MEGF11: variants seen among roughly 807,000 people sequenced by gnomAD.
The protein encoded by MEGF11 is multiple epidermal growth factor-like domains protein 11.
In MEGF11, 126 loss-of-function variants were observed where a neutral mutation model predicts 146.6. The ratio of observed to expected loss-of-function variants is 0.86; its 90% CI spans 0.74 to 1.00. MEGF11 has a LOEUF of 1.00. MEGF11 is among the 50% of genes least tolerant of loss of function. The probability of loss-of-function intolerance (pLI) is 0.00; values close to 1 mark genes in which losing one functional copy is unlikely to be tolerated. For synonymous variants in MEGF11, 532 were observed against 583.4 expected, an observed-to-expected ratio of 0.91 and a Z score of 1.27; for missense variants, 1,509 against 1,521.2, an observed-to-expected ratio of 0.99 and a Z score of 0.13.
In MEGF11 at chr15:66,008,441, A is replaced by ACG. The variant is rs1166824032; in HGVS notation, c.395-25954_395-25953insCG. On this transcript the variant is annotated intron_variant, in intron 5 of 25. Transcript: ENST00000395614. ...CACACACACACACACACACACACAC[A>ACG]CACACACACAAAATTACAGCCTAGT... Among the ~76,000 whole-genome samples, 775 of 149,124 alleles carry ACG rather than the reference A, an allele frequency of 5.2e-3. 10 individuals carry two copies. The highest frequency in any genetic ancestry group is 0.018 in the African/African-American group (726 of 40,548).
intron 5 of MEGF11, among the ~76,000 whole-genome samples, chr15:66,091,941 G>A (rs1381175326): frequency 1.3e-5 from 2 of 152,196 alleles, no homozygotes; most frequent in Non-Finnish European, 2.9e-5. Flanking sequence ...CCATTGGAGG[G>A]TCTCTGGTTT....
chr15:66,015,106 C>T (rs905987834), intron 5 of MEGF11, among the ~76,000 whole-genome samples: 2 of 152,214 alleles, frequency 1.3e-5, no homozygotes, highest in Admixed American at 6.5e-5. Flanking sequence ...CTCTCATGAG[C>T]TAGTGCAAGA....
intron 5 of MEGF11, among the ~76,000 whole-genome samples, chr15:66,073,297 C>T (rs1242531971): frequency 6.6e-6 from 1 of 152,174 alleles, no homozygotes; most frequent in African/African-American, 2.4e-5. Context: ...CCCGCTGAGC[C>T]CTTGCTGAGG....
intron 1 of MEGF11, among the ~76,000 whole-genome samples, chr15:66,214,085 G>C (rs1381724479): frequency 1.4e-5 from 2 of 146,182 alleles, no homozygotes; most frequent in Non-Finnish European, 3.0e-5. Context: ...GCCCAGGCTG[G>C]AGTGCAGTGG....
intron 4 of MEGF11, among the ~76,000 whole-genome samples, chr15:66,097,422 C>T (rs1335298809): frequency 6.6e-6 from 1 of 152,196 alleles, no homozygotes; most frequent in Non-Finnish European, 1.5e-5. Flanking sequence ...GTGCCCTAAG[C>T]TCTTTCAGAC....
At chr15:65,951,843 T>A (rs976699177) in intron 10 of MEGF11, among the ~76,000 whole-genome samples, 13 of 152,040 alleles carry the variant, frequency 8.6e-5, no homozygotes, top group Non-Finnish European at 1.9e-4. Flanking sequence ...TACAAATTTT[T>A]TTTTTTTAAA....
At chr15:66,253,371 C>T (rs1390944695) in intron 1 of MEGF11, among the ~76,000 whole-genome samples, 1 of 152,228 alleles carries the variant, frequency 6.6e-6, no homozygotes, top group African/African-American at 2.4e-5. Context: ...CGCCCTACAT[C>T]CTGCCGGACC....
rs113571576 is a variant in MEGF11 at position 66,130,428 on chromosome 15, G to A, written c.-8-2017C>T. On this transcript the variant is annotated intron_variant, in intron 1 of 25. Transcript: ENST00000395614. ...TATAATCTCCAGCATTCTCCCGAGA[G>A]AACCTCCTGACAGCATCTTCAAACT... Among the ~76,000 whole-genome samples, 222 of 152,216 alleles carry A rather than the reference G, an allele frequency of 1.5e-3. 1 individual carries two copies. The highest frequency in any genetic ancestry group is 5.1e-3 in the African/African-American group (211 of 41,540).
At chr15:66,122,868 T>C (rs966966107) in intron 3 of MEGF11, among the ~76,000 whole-genome samples, 2 of 152,320 alleles carry the variant, frequency 1.3e-5, no homozygotes, top group African/African-American at 4.8e-5. Context: ...AAGCTCCACC[T>C]GAATGGCGGA....
At chr15:65,949,741 G>T (rs1214109974) in intron 10 of MEGF11, among the ~76,000 whole-genome samples, 1 of 152,216 alleles carries the variant, frequency 6.6e-6, no homozygotes, top group African/African-American at 2.4e-5. Flanking sequence ...TCAAGTTTTT[G>T]CAGCCCTGGC....
chr15:65,993,075 G>A (rs1470713762), intron 5 of MEGF11, among the ~76,000 whole-genome samples: 3 of 152,206 alleles, frequency 2.0e-5, no homozygotes, highest in Admixed American at 6.5e-5. Context: ...TGCTGATCAC[G>A]GAGGCTGATG....
Position 66,225,726 on chromosome 15 carries a change from G to T in MEGF11, c.-9+27879C>A, listed in dbSNP as rs199565372. Among the ~76,000 whole-genome samples, 4 of 151,696 alleles carry T rather than the reference G, an allele frequency of 2.6e-5. No homozygotes were observed. The East Asian group carries it at 7.7e-4, about 29-fold the overall frequency. ...CAACCCCATGCACTCACACACACAC[G>T]CACACTATCATACACACACTTACAT... On this transcript the variant is annotated intron_variant, in intron 1 of 25. Transcript: ENST00000395614.
chr15:66,004,266 G>A (rs2082454643), intron 5 of MEGF11, among the ~76,000 whole-genome samples: 1 of 152,074 alleles, frequency 6.6e-6, no homozygotes. Context: ...GTTACATGAA[G>A]GGATTGAAAA....
intron 5 of MEGF11, among the ~76,000 whole-genome samples, chr15:66,011,182 T>C (rs1011102464): frequency 4.6e-5 from 7 of 152,186 alleles, no homozygotes; most frequent in African/African-American, 1.7e-4. Flanking sequence ...TCAGGGATTG[T>C]TGTGCCCACT....
intron 1 of MEGF11, among the ~76,000 whole-genome samples, chr15:66,148,662 G>T (rs1264886992): frequency 6.6e-6 from 1 of 152,218 alleles, no homozygotes; most frequent in Non-Finnish European, 1.5e-5. Flanking sequence ...TGCCCAGCCA[G>T]TGCCCCCTCT....
intron 1 of MEGF11, among the ~76,000 whole-genome samples, chr15:66,162,346 T>C (rs1024546612): frequency 6.6e-6 from 1 of 152,204 alleles, no homozygotes; most frequent in Non-Finnish European, 1.5e-5. Flanking sequence ...ATGTGATGTA[T>C]ATTTTACCAC....
intron 1 of MEGF11, among the ~76,000 whole-genome samples, chr15:66,162,105 G>A (rs553224387): frequency 6.6e-6 from 1 of 152,256 alleles, no homozygotes; most frequent in Admixed American, 6.5e-5. Flanking sequence ...AGTGAACCAT[G>A]CGTGATAAGT....
intron 1 of MEGF11, among the ~76,000 whole-genome samples, chr15:66,199,370 T>A (rs1436745864): frequency 6.6e-6 from 1 of 152,100 alleles, no homozygotes; most frequent in Non-Finnish European, 1.5e-5. Context: ...GTGCCCTGGG[T>A]GTTTTTCTAG....
At chr15:66,140,619 G>A (rs899058324) in intron 1 of MEGF11, among the ~76,000 whole-genome samples, 1 of 152,220 alleles carries the variant, frequency 6.6e-6, no homozygotes, top group Non-Finnish European at 1.5e-5. Context: ...TACATACAGG[G>A]ACTCAATAGG....
Sources: allele counts gnomAD v4.1 joint callset (sites outside exome capture counted in the v4.1 genomes callset), GRCh38; gene constraint gnomAD v4.1.1; transcripts MANE v1.5; gene names NCBI Gene and HGNC (gene_info 2026-07-23, HGNC 2026-07-21).